Variants in FHDC1 observed in about 807,000 individuals in gnomAD.
FHDC1 encodes the protein FH2 domain containing 1, also known as FH2 domain-containing protein 1.
Under a neutral mutation model 52.6 loss-of-function variants are expected in FHDC1, and 25 were observed. That is an observed-to-expected ratio of 0.48 (90% confidence interval 0.35 to 0.66). FHDC1 has a LOEUF of 0.66. Among genes scored for constraint, FHDC1 ranks in the 30% least tolerant of loss-of-function variants. The pLI is 0.01. For synonymous variants in FHDC1, 616 were observed against 581.5 expected, an observed-to-expected ratio of 1.06 and a Z score of -0.85; for missense variants, 1,459 against 1,452.8, an observed-to-expected ratio of 1.00 and a Z score of -0.07.
the FHDC1 span, among the ~76,000 whole-genome samples, chr4:152,913,634 C>CCCAGG: frequency 6.6e-6 from 1 of 152,090 alleles, no homozygotes. Flanking sequence ...TTTCAGTTTG[C>CCCAGG]CTGGGAGAGT....
rs772064445 is a variant in FHDC1 at position 152,974,733 on chromosome 4, A to AGCAGGT, written c.1446_1447insGTGCAG (p.Gln482_Lys483insValGln). 1 of 1,519,746 alleles carries AGCAGGT rather than the reference A, an allele frequency of 6.6e-7. No homozygotes were observed. Among genetic ancestry groups the AGCAGGT allele is most frequent in the African/African-American group, 1.4e-5 (1 of 71,896 alleles). The allele number at this position is 1,519,746 out of a possible 1,614,324, so 94.1% of individuals were successfully genotyped here. On this transcript the variant is annotated inframe_insertion, in exon 12 of 12. Coordinates refer to ENST00000511601, the MANE Select transcript of FHDC1 (RefSeq NM_001371116.1). ...CAGCTGCAGAGGCTGAAGGAGCAGG[A>AGCAGGT]GCAGAAGCAGCGCTCCTGGGCAACT...
intron 10 of FHDC1, among the ~76,000 whole-genome samples, chr4:152,969,473 A>G (rs1028805909): frequency 1.3e-5 from 2 of 152,248 alleles, no homozygotes; most frequent in African/African-American, 4.8e-5. Flanking sequence ...AATCAAGAAT[A>G]AGGACCATTG....
chr4:152,964,003 G>A (rs1301831391), intron 8 of FHDC1, among the ~76,000 whole-genome samples: 2 of 151,990 alleles, frequency 1.3e-5, no homozygotes, highest in African/African-American at 4.8e-5. Context: ...TTTTGAATGT[G>A]AGCTTCAGAA....
chr4:152,931,281 C>T, the FHDC1 span, among the ~76,000 whole-genome samples: 2 of 152,020 alleles, frequency 1.3e-5, no homozygotes, highest in Non-Finnish European at 2.9e-5. Context: ...CTATTTTTCT[C>T]CTCAAGGTTT....
chr4:152,929,396 T>G, the FHDC1 span, among the ~76,000 whole-genome samples: 1 of 152,228 alleles, frequency 6.6e-6, no homozygotes, highest in Non-Finnish European at 1.5e-5. The surrounding 1 kb of genome is among the most constrained non-coding windows in gnomAD (Gnocchi z 4.1). Flanking sequence ...GTCTGTCCTT[T>G]GTCCACAAGG....
the FHDC1 span, among the ~76,000 whole-genome samples, chr4:152,917,693 A>G: frequency 6.7e-6 from 1 of 149,724 alleles, no homozygotes; most frequent in Non-Finnish European, 1.5e-5. Context: ...GAAAAAAAAA[A>G]TGTAAGTTTA....
chr4:152,971,892 A>C (rs1740649978), intron 10 of FHDC1, among the ~76,000 whole-genome samples: 1 of 152,098 alleles, frequency 6.6e-6, no homozygotes, highest in African/African-American at 2.4e-5. Context: ...CACAGAGCTC[A>C]TTTGGGATTA....
the FHDC1 span, among the ~76,000 whole-genome samples, chr4:152,913,333 A>G: frequency 2.6e-5 from 4 of 152,252 alleles, no homozygotes; most frequent in Non-Finnish European, 5.9e-5. Flanking sequence ...AAAAGAAATC[A>G]GGTGAGCTTG....
chr4:152,948,333 G>A (rs756409588), intron 2 of FHDC1, among the ~76,000 whole-genome samples: 11 of 152,184 alleles, frequency 7.2e-5, no homozygotes, highest in African/African-American at 1.4e-4. Context: ...TAAGCCAGTC[G>A]CAAAGGACAA....
chr4:152,953,359 C>CT, intron 2 of FHDC1, 140 bp from the exon 3 acceptor site: 4 of 640,038 alleles, frequency 6.2e-6, no homozygotes, highest in Non-Finnish European at 1.1e-5. Context: ...TTAGGAATAT[C>CT]TGTTAATCAC....
At chr4:152,935,817 G>C (rs1739348002), upstream of FHDC1, among the ~76,000 whole-genome samples, 1 of 139,386 alleles carries the variant, frequency 7.2e-6, no homozygotes, top group African/African-American at 2.5e-5. Context: ...GCGTGCGTCG[G>C]GGGGCGTGTG....
intron 1 of FHDC1, among the ~76,000 whole-genome samples, chr4:152,941,872 C>G (rs563063947): frequency 8.5e-5 from 13 of 152,260 alleles, no homozygotes; most frequent in African/African-American, 2.6e-4. Flanking sequence ...AAATAGTCCC[C>G]TTTCCACACT....
intron 10 of FHDC1, among the ~76,000 whole-genome samples, chr4:152,971,772 G>A (rs535522627): frequency 8.5e-5 from 13 of 152,302 alleles, no homozygotes; most frequent in South Asian, 4.1e-4. Flanking sequence ...CTGTGAAATC[G>A]AACGGGAGGA....
In FHDC1 at chr4:152,975,135, C is replaced by T. The variant is rs1740809101; in HGVS notation, c.1844C>T (p.Pro615Leu). Residue 615 changes from proline (P) to leucine (L), a missense_variant, in exon 12 of 12, where the codon CCC becomes CTC. Around this residue, in one of 3 missense-constraint regions of FHDC1, gnomAD observed 939 missense variants for 854.5 expected, o/e 1.10. Coordinates refer to ENST00000511601, the MANE Select transcript of FHDC1 (RefSeq NM_001371116.1). ...SGGQEEAPNPPSAQAHQLAAA... is the reference protein window; with the variant it reads ...SGGQEEAPNPLSAQAHQLAAA... ...GGCCAGGAGGAGGCCCCCAACCCAC[C>T]CTCAGCACAGGCGCACCAGCTTGCA... The T allele has an allele frequency of 6.2e-7, 1 of 1,612,822 alleles. No homozygotes were observed. Among genetic ancestry groups the T allele is most frequent in the African/African-American group, 1.3e-5 (1 of 74,928 alleles).
chr4:152,967,947 T>C, intron 9 of FHDC1, 33 bp from the exon 10 acceptor site: 4 of 1,547,598 alleles, frequency 2.6e-6, no homozygotes, highest in Non-Finnish European at 3.6e-6. Flanking sequence ...GCTTCCTTGT[T>C]CCAACTGCCC....
the FHDC1 span, among the ~76,000 whole-genome samples, chr4:152,925,876 A>AAGGAGG: frequency 1.1e-5 from 1 of 94,612 alleles, no homozygotes; most frequent in Non-Finnish European, 2.5e-5. Context: ...GAAGGAGGAG[A>AAGGAGG]AGGAGGAGGA....
chr4:152,970,654 T>C (rs1740612432), intron 10 of FHDC1, among the ~76,000 whole-genome samples: 1 of 152,226 alleles, frequency 6.6e-6, no homozygotes, highest in Non-Finnish European at 1.5e-5. Flanking sequence ...ATCCTTTCAT[T>C]AATACCATTC....
chr4:152,927,343 G>A, the FHDC1 span: 4 of 704,046 alleles, frequency 5.7e-6, no homozygotes, highest in African/African-American at 1.8e-5. Context: ...TCAGAATCCC[G>A]TTGTGGTTGC....
At chr4:152,914,570 C>A in the FHDC1 span, among the ~76,000 whole-genome samples, 1 of 152,106 alleles carries the variant, frequency 6.6e-6, no homozygotes, top group African/African-American at 2.4e-5. Context: ...TCCACAAGAA[C>A]CAAAATCACA....
Sources: gnomAD v4.1 joint callset for allele counts (sites outside exome capture counted in the v4.1 genomes callset) on GRCh38, gnomAD v4.1.1 for gene constraint, gnomAD v4.1.1 regional missense constraint, Gnocchi (gnomAD v3.1) non-coding constraint, MANE v1.5 for transcripts, NCBI Gene and HGNC (gene_info 2026-07-23, HGNC 2026-07-21) for gene names.